RP1: variants seen among roughly 807,000 people sequenced by gnomAD.
RP1 encodes oxygen-regulated protein 1.
In RP1, 16 loss-of-function variants were observed where a neutral mutation model predicts 14.8. The observed-to-expected ratio is 1.08, with a 90% CI of 0.73 to 1.65. The LOEUF (loss-of-function observed/expected upper bound fraction) is 1.65. RP1 is among the 40% of genes most tolerant of loss of function. The pLI, the probability that RP1 is intolerant of heterozygous loss-of-function variation, is 0.00. For synonymous variants in RP1, 876 were observed against 883.6 expected (o/e 0.99, Z 0.15); for missense variants, 2,631 against 2,535.0 (o/e 1.04, Z -0.81).
chr8:54,574,521 A>G (rs1270614741), intron 1 of RP1, among the ~76,000 whole-genome samples: 1 of 152,052 alleles, frequency 6.6e-6, no homozygotes, highest in Non-Finnish European at 1.5e-5. Flanking sequence ...CATAAAGGGG[A>G]GCATCACTTG....
At position 54,628,828 on chromosome 8, in the gene RP1, G is replaced by A. The variant is rs1806159976; in HGVS notation, c.4946G>A (p.Gly1649Glu). 15 of 1,613,836 alleles carry A rather than the reference G, an allele frequency of 9.3e-6. No homozygotes were observed. The highest frequency in any genetic ancestry group is 1.3e-5 in the Non-Finnish European group (15 of 1,179,922). Reference protein sequence around the residue: ...ADIIKPSFFPGSTRKSQVCPY... With the variant: ...ADIIKPSFFPESTRKSQVCPY... ...ATTATCAAACCATCTTTTTTTCCTG[G>A]GTCTACCCGCAAATCTCAGGTTTGT... The change falls in exon 4 of 4, where the codon GGG becomes GAG. Residue 1649 changes from glycine to glutamate, a missense_variant. Physicochemically the swap from Gly to Glu is moderately conservative, Grantham distance 98. Coordinates refer to ENST00000220676, the MANE Select transcript of RP1 (RefSeq NM_006269.2).
intron 24 of RP1, among the ~76,000 whole-genome samples, chr8:54,799,894 G>T (rs1810663593): frequency 6.6e-6 from 1 of 151,874 alleles, no homozygotes; most frequent in South Asian, 2.1e-4. Flanking sequence ...TTAAAAATGA[G>T]AAAAATAATA....
chr8:54,725,817 G>T (rs572456918), intron 16 of RP1, among the ~76,000 whole-genome samples: 1 of 152,218 alleles, frequency 6.6e-6, no homozygotes, highest in South Asian at 2.1e-4. Flanking sequence ...CTATAAAGTT[G>T]AAGTCATTAT....
At position 54,769,819 on chromosome 8, in the gene RP1, T is replaced by C. The variant is rs1050924670; in HGVS notation, c.*6T>C. ...TTCAAGGTGAGGATTACTGAAACCA[T>C]CAGTAGAAGAAAGTACAAGATGATT... is the stretch of plus-strand genomic sequence containing the variant. On this transcript the variant is annotated 3_prime_UTR_variant, in exon 23 of 23. Transcript: ENST00000636932. 24 of 1,513,652 alleles carry C rather than the reference T, an allele frequency of 1.6e-5. No homozygotes were observed. In the East Asian group the frequency reaches 3.9e-4, roughly 25 times the overall value. 93.8% of individuals were successfully genotyped at this position (1,513,652 alleles called of 1,614,324 possible).
At chr8:54,837,055 G>A (rs1471616297) in intron 24 of RP1, among the ~76,000 whole-genome samples, 2 of 152,006 alleles carry the variant, frequency 1.3e-5, no homozygotes, top group South Asian at 2.1e-4. Flanking sequence ...TGTACATATG[G>A]TCTCTTCCTC....
rs112161520 is a variant in RP1 at position 54,850,052 on chromosome 8, G to A, written c.3836-2522G>A. Among the ~76,000 whole-genome samples the A allele has an allele frequency of 7.2e-3, 1,099 of 152,252 alleles. 14 individuals are homozygous for A. The highest frequency in any genetic ancestry group is 0.025 in the African/African-American group (1,030 of 41,562). ...AAGCACCTGAAGTTAGTTGCTAATT[G>A]TCAGAAAGGAAAATTTAACATCAAC... On this transcript the variant is annotated intron_variant, in intron 25 of 28. Transcript: ENST00000637698.
chr8:54,757,214 T>C (rs566901747), intron 21 of RP1, among the ~76,000 whole-genome samples: 23 of 152,332 alleles, frequency 1.5e-4, no homozygotes, highest in African/African-American at 5.3e-4. Context: ...ACATCTCACA[T>C]CATAAACCAC....
Position 54,673,906 on chromosome 8 carries a change from AG to A in RP1, c.1382del (p.Gly461AlafsTer35), listed in dbSNP as rs1807236022. On this transcript the variant is annotated frameshift_variant, in exon 8 of 23. Coordinates refer to the RP1 transcript ENST00000636932. LOFTEE classifies it high-confidence loss of function. ...TTGGAGATTTGTGTAAGATTGTGATAGGCCATGATGGACTTGGCCCAGGTAA... is the reference window on the plus strand; with the variant it reads ...TTGGAGATTTGTGTAAGATTGTGATAGCCATGATGGACTTGGCCCAGGTAA... 2 of 1,535,942 alleles carry A rather than the reference AG, an allele frequency of 1.3e-6. No homozygotes were observed. The highest frequency in any genetic ancestry group is 4.9e-5 in the East Asian group (2 of 40,910).
At chr8:54,584,749 A>C (rs1294846417) in intron 1 of RP1, among the ~76,000 whole-genome samples, 1 of 152,168 alleles carries the variant, frequency 6.6e-6, no homozygotes, top group Admixed American at 6.5e-5. Flanking sequence ...CTTTACCATT[A>C]TGTAATGGCC....
At position 54,604,842 on chromosome 8, in the gene RP1, T is replaced by G. The variant is rs538740682; in HGVS notation, c.-12-16113T>G. On this transcript the variant is annotated intron_variant, in intron 1 of 22. Coordinates refer to the RP1 transcript ENST00000636932. ...TATTTTCATATAGGTGTTTATAGTA[T>G]TCTCTGATGGTAGTTTGTATTTCTG... is the stretch of plus-strand genomic sequence containing the variant. Among the ~76,000 whole-genome samples, 790 of 152,342 alleles carry G rather than the reference T, an allele frequency of 5.2e-3. 2 individuals are homozygous for G. The highest frequency in any genetic ancestry group is 8.4e-3 in the Non-Finnish European group (570 of 68,036).
At chr8:54,819,242 G>T (rs528780694) in intron 24 of RP1, among the ~76,000 whole-genome samples, 67 of 151,802 alleles carry the variant, frequency 4.4e-4, no homozygotes, top group Middle Eastern at 6.9e-3. Flanking sequence ...TTCAGCTGTT[G>T]AGAGACTCTG....
chr8:54,571,119 G>C (rs1804511010), intron 1 of RP1, among the ~76,000 whole-genome samples: 1 of 151,812 alleles, frequency 6.6e-6, no homozygotes, highest in African/African-American at 2.4e-5. Context: ...GAGGCCCTGT[G>C]AGCTCTGCAC....
At chr8:54,605,200 A>C (rs923208790) in intron 1 of RP1, among the ~76,000 whole-genome samples, 15 of 152,092 alleles carry the variant, frequency 9.9e-5, no homozygotes, top group African/African-American at 3.6e-4. Flanking sequence ...CCCTCTACAC[A>C]CTGCTTTGAA....
intron 1 of RP1, among the ~76,000 whole-genome samples, chr8:54,586,715 T>A (rs1424393972): frequency 6.6e-6 from 1 of 152,190 alleles, no homozygotes; most frequent in Non-Finnish European, 1.5e-5. Flanking sequence ...TCCCCCAGCC[T>A]CGCTGCCACC....
Position 54,695,049 on chromosome 8 carries a change from G to C in RP1, c.1718-4418G>C, listed in dbSNP as rs200087267. Among the ~76,000 whole-genome samples, 7 of 152,104 alleles carry C rather than the reference G, an allele frequency of 4.6e-5. No homozygotes were observed. In the South Asian group the frequency reaches 1.5e-3, roughly 32 times the overall value. ...TGTTCTCGTTGGTTTCAAAGAACAT[G>C]TTTATTTCTGCCTTCATTTCGTTAT... is the stretch of plus-strand genomic sequence containing the variant. On this transcript the variant is annotated intron_variant, in intron 12 of 22. Transcript: ENST00000636932.
At chr8:54,852,767 C>A in intron 26 of RP1, 1 of 1,224,368 alleles carries the variant, frequency 8.2e-7, no homozygotes, top group Non-Finnish European at 1.0e-6. Context: ...TACCGACTAT[C>A]GTTCCTTTAA....
intron 3 of RP1, among the ~76,000 whole-genome samples, chr8:54,636,282 T>G (rs535960018): frequency 6.6e-6 from 1 of 152,310 alleles, no homozygotes; most frequent in Admixed American, 6.5e-5. Flanking sequence ...GGTCAGACAC[T>G]TAGGCAATAG....
chr8:54,726,294 A>G (rs1808652267), intron 16 of RP1: 1 of 1,488,294 alleles, frequency 6.7e-7, no homozygotes, highest in African/African-American at 1.4e-5. Context: ...GTATTCTGAG[A>G]AGAAACAAGT....
At chr8:54,583,091 A>T (rs1189599458) in intron 1 of RP1, among the ~76,000 whole-genome samples, 2 of 152,110 alleles carry the variant, frequency 1.3e-5, no homozygotes, top group South Asian at 2.1e-4. Flanking sequence ...TTTCAAAGGG[A>T]ATGCTTCCAG....
Sources: allele counts gnomAD v4.1 joint callset (sites outside exome capture counted in the v4.1 genomes callset), GRCh38; gene constraint gnomAD v4.1.1; transcripts MANE v1.5; gene names NCBI Gene and HGNC (gene_info 2026-07-23, HGNC 2026-07-21).